Variants in TMEM266 observed in about 807,000 individuals in gnomAD.
The protein encoded by TMEM266 is Hv1 related protein 1.
A neutral mutation model predicts 50.5 loss-of-function variants in TMEM266; 33 were observed. The observed-to-expected ratio is 0.65, with a 90% CI of 0.50 to 0.87. The LOEUF (loss-of-function observed/expected upper bound fraction) is 0.87. Ranked by LOEUF, TMEM266 falls within the 40% of genes least tolerant of loss-of-function variation. The pLI, the probability that TMEM266 is intolerant of heterozygous loss-of-function variation, is 0.00. For missense variants in TMEM266, 655 were observed against 695.1 expected (o/e 0.94, Z 0.65); for synonymous variants, 310 against 292.3 (o/e 1.06, Z -0.62).
chr15:76,198,028 C>T (rs1393173724), intron 9 of TMEM266, among the ~76,000 whole-genome samples: 2 of 152,246 alleles, frequency 1.3e-5, no homozygotes, highest in African/African-American at 4.8e-5. Context: ...CAGCAGAGAG[C>T]AGCTGCCACA....
chr15:76,183,805 G>A (rs1297120448), intron 8 of TMEM266, among the ~76,000 whole-genome samples: 1 of 152,210 alleles, frequency 6.6e-6, no homozygotes, highest in Non-Finnish European at 1.5e-5. Flanking sequence ...TCTTGACCCT[G>A]CAAGCTGTAG....
chr15:76,175,764 AC>A, intron 8 of TMEM266, 90 bp downstream of exon 8: 1 of 1,045,874 alleles, frequency 9.6e-7, no homozygotes, highest in Non-Finnish European at 1.4e-6. Flanking sequence ...CTGCAGGGGC[AC>A]CAGAGGTCAG....
rs5813821 is a variant in TMEM266 at position 76,153,134 on chromosome 15, CA to C, written c.228-3459del. Among the ~76,000 whole-genome samples the C allele has an allele frequency of 5.0e-3, 738 of 147,002 alleles. 7 individuals carry two copies. Among genetic ancestry groups the C allele is most frequent in the African/African-American group, 0.016 (658 of 40,172 alleles). On this transcript the variant is annotated intron_variant, in intron 3 of 10. Coordinates refer to ENST00000388942, the MANE Select transcript of TMEM266 (RefSeq NM_152335.3). This position sits in a 1 kb window ranked among gnomAD's most constrained non-coding sequence, Gnocchi z 4.2. ...TGATATGGTTAGTAAGTTTCTCTAA[CA>C]AAAAAAAAAAGAAGAAAAAAACGAC...
At chr15:76,144,560 G>A (rs2037729462) in intron 3 of TMEM266, among the ~76,000 whole-genome samples, 2 of 152,224 alleles carry the variant, frequency 1.3e-5, no homozygotes, top group Non-Finnish European at 1.5e-5. Flanking sequence ...TGCCAAGCCT[G>A]TACCATGCTG....
intron 1 of TMEM266, among the ~76,000 whole-genome samples, chr15:76,128,470 A>G (rs1383256834): frequency 6.6e-6 from 1 of 152,236 alleles, no homozygotes; most frequent in Non-Finnish European, 1.5e-5. Context: ...TCTTAAAAGC[A>G]GCCTTCCCAC....
At chr15:76,196,709 G>T (rs974407773) in intron 9 of TMEM266, among the ~76,000 whole-genome samples, 4 of 152,270 alleles carry the variant, frequency 2.6e-5, no homozygotes, top group South Asian at 2.1e-4. Flanking sequence ...TTTGCAGGGT[G>T]GGGGAGGGCA....
chr15:76,087,408 T>C (rs1349680961), intron 1 of TMEM266, among the ~76,000 whole-genome samples: 1 of 152,180 alleles, frequency 6.6e-6, no homozygotes, highest in African/African-American at 2.4e-5. Flanking sequence ...TACCCTTTGG[T>C]AGTATAGGTA....
intron 1 of TMEM266, among the ~76,000 whole-genome samples, chr15:76,092,306 A>G (rs902739034): frequency 6.6e-6 from 1 of 152,132 alleles, no homozygotes; most frequent in Non-Finnish European, 1.5e-5. Flanking sequence ...AACTTTGTAT[A>G]GTTTCAGAAC....
chr15:76,090,089 T>C (rs1273809351), intron 1 of TMEM266, among the ~76,000 whole-genome samples: 2 of 152,166 alleles, frequency 1.3e-5, no homozygotes, highest in Non-Finnish European at 2.9e-5. Flanking sequence ...TGTCATCAGA[T>C]AGTTGGTGGC....
chr15:76,156,620 C>T lies in TMEM266; in HGVS notation c.244C>T (p.Pro82Ser). 1 of 1,614,010 alleles carries T rather than the reference C, an allele frequency of 6.2e-7. No homozygotes were observed. Among genetic ancestry groups the T allele is most frequent in the Non-Finnish European group, 8.5e-7 (1 of 1,179,994 alleles). The change falls in exon 4 of 11, where the codon CCG becomes TCG. Residue 82 changes from proline to serine, a missense_variant. Pro to Ser is a moderately conservative substitution (Grantham distance 74). Transcript: ENST00000388942. Reference sequence around the variant, plus strand: ...TCCCCACAGGTCTAACTGGCTGAAGCCGTGCTGTGGGAAGAGAGCAGCCGT... The same window carrying T: ...TCCCCACAGGTCTAACTGGCTGAAGTCGTGCTGTGGGAAGAGAGCAGCCGT...
At chr15:76,150,794 G>C (rs2037828219) in intron 3 of TMEM266, among the ~76,000 whole-genome samples, 2 of 152,250 alleles carry the variant, frequency 1.3e-5, no homozygotes, top group African/African-American at 4.8e-5. Context: ...GCTTGAGCCA[G>C]CTCCTTCCAG....
At chr15:76,086,311 G>C (rs1370106497) in intron 1 of TMEM266, among the ~76,000 whole-genome samples, 1 of 152,188 alleles carries the variant, frequency 6.6e-6, no homozygotes, top group Non-Finnish European at 1.5e-5. Flanking sequence ...AACAGTCTAA[G>C]AACAGGCAAT....
At chr15:76,162,910 C>T (rs1426677218) in intron 5 of TMEM266, among the ~76,000 whole-genome samples, 2 of 152,184 alleles carry the variant, frequency 1.3e-5, no homozygotes, top group Non-Finnish European at 1.5e-5. Flanking sequence ...GGTGGGGCGG[C>T]ACTCCGAGCC....
chr15:76,175,289 T>A (rs1344029165), intron 7 of TMEM266: 1 of 321,294 alleles, frequency 3.1e-6, no homozygotes, highest in African/African-American at 2.2e-5. Context: ...TGGAAAATAG[T>A]CTTTATTCCA....
chr15:76,092,507 T>C (rs2036862149), intron 1 of TMEM266, among the ~76,000 whole-genome samples: 3 of 151,790 alleles, frequency 2.0e-5, no homozygotes, highest in Admixed American at 2.0e-4. Flanking sequence ...CTGGCCAACA[T>C]GGCGAAACCC....
intron 1 of TMEM266, among the ~76,000 whole-genome samples, chr15:76,069,261 C>T (rs142851361): frequency 1.6e-4 from 25 of 152,156 alleles, no homozygotes; most frequent in African/African-American, 5.1e-4. Flanking sequence ...TAGGCTAGGT[C>T]GACTCATGGG....
chr15:76,071,852 G>C (rs1345629248), intron 1 of TMEM266, among the ~76,000 whole-genome samples: 5 of 152,134 alleles, frequency 3.3e-5, no homozygotes, highest in African/African-American at 4.8e-5. Context: ...CCAGGGCAGG[G>C]GGAGGAGCTT....
At chr15:76,143,931 C>T (rs1471773554) in intron 3 of TMEM266, among the ~76,000 whole-genome samples, 2 of 152,176 alleles carry the variant, frequency 1.3e-5, no homozygotes, top group Admixed American at 6.5e-5. Context: ...CCTGGACATA[C>T]TCACAGGGAT....
At chr15:76,101,036 C>A (rs2036992571) in intron 1 of TMEM266, among the ~76,000 whole-genome samples, 1 of 151,600 alleles carries the variant, frequency 6.6e-6, no homozygotes, top group African/African-American at 2.4e-5. Context: ...GTATTTCTAC[C>A]TGAACATGGT....
Sources: allele counts gnomAD v4.1 joint callset (sites outside exome capture counted in the v4.1 genomes callset), GRCh38; gene constraint gnomAD v4.1.1; non-coding constraint Gnocchi (gnomAD v3.1); transcripts MANE v1.5; gene names NCBI Gene and HGNC (gene_info 2026-07-23, HGNC 2026-07-21).